Variants in GFUS observed in about 807,000 individuals in gnomAD.
GFUS encodes 3-5 epimerase/4-reductase.
Under a neutral mutation model 41.5 loss-of-function variants are expected in GFUS, and 42 were observed. That is an observed-to-expected ratio of 1.01 (90% CI 0.79 to 1.31). The LOEUF (loss-of-function observed/expected upper bound fraction) is 1.31. Among genes scored for constraint, GFUS ranks in the 50% most tolerant of loss-of-function variants. GFUS has a pLI of 0.00. For missense variants in GFUS, 437 were observed against 428.7 expected (o/e 1.02, Z -0.17); for synonymous variants, 188 against 173.4 (o/e 1.08, Z -0.66).
chr8:143,616,107 C>T lies in GFUS; in HGVS notation c.260G>A (p.Trp87Ter). The T allele has an allele frequency of 1.3e-6, 2 of 1,580,514 alleles. No individual in the cohort carries two copies. Among genetic ancestry groups the T allele is most frequent in the Non-Finnish European group, 1.7e-6 (2 of 1,157,874 alleles). Residue 87 changes from tryptophan to a stop codon, truncating the protein, a stop_gained and splice_region_variant, in exon 3 of 11, where the codon TGG (tryptophan) becomes TAG (stop). Transcript: ENST00000425753. LOFTEE classifies it high-confidence loss of function. Reference sequence around the variant, plus strand: ...CTTGCTGGGGCCACCCTCACTTACCCAGAAGTCCAAATTGTATTTGATATT... The same window carrying T: ...CTTGCTGGGGCCACCCTCACTTACCTAGAAGTCCAAATTGTATTTGATATT... The part of the protein sequence containing the change: ...FRNIKYNLDF[W>*]RKNVHMNDNV...
chr8:143,613,461 G>C (rs953611849), intron 9 of GFUS, 63 bp downstream of exon 9: 8 of 1,570,256 alleles, frequency 5.1e-6, no homozygotes, highest in Non-Finnish European at 4.3e-6. Flanking sequence ...CCCTACACCG[G>C]GTGGCCACTG....
At chr8:143,616,419 A>G (rs761930548) in intron 2 of GFUS, 148 bp downstream of exon 2, 2 of 1,316,036 alleles carry the variant, frequency 1.5e-6, no homozygotes, top group Non-Finnish European at 2.2e-6. Context: ...ACAGCCAAGC[A>G]CACCCAGGCC....
At chr8:143,614,525 ACTGAGGCTGGCACGAAGACCCGAC>A (rs1829670912) in intron 5 of GFUS, 72 bp from the exon 6 acceptor site, 4 of 1,566,372 alleles carry the variant, frequency 2.6e-6, no homozygotes, top group Non-Finnish European at 3.5e-6. Flanking sequence ...CTGGCCTCTT[ACTGAGGCTGGCACGAAGACCCGAC>A]CAGCCGGCCC....
Position 143,612,881 on chromosome 8 carries a change from C to T in GFUS, c.*29G>A. ...CCGCTGGGCTCTGCCAGCCGATGGT[C>T]CGCTGGCACCTGATCCTGTCTTCCA... On this transcript the variant is annotated 3_prime_UTR_variant, in exon 11 of 11. Coordinates refer to ENST00000425753, the MANE Select transcript of GFUS (RefSeq NM_003313.4). 8 of 1,594,162 alleles carry T rather than the reference C, an allele frequency of 5.0e-6. No individual in the cohort carries two copies. Among genetic ancestry groups the T allele is most frequent in the Non-Finnish European group, 6.8e-6 (8 of 1,171,996 alleles).
At chr8:143,614,981 C>A (rs1829689163) in intron 3 of GFUS, 66 bp from the exon 4 acceptor site, 2 of 1,541,062 alleles carry the variant, frequency 1.3e-6, no homozygotes, top group Non-Finnish European at 1.8e-6. Context: ...CCTGCTCCTC[C>A]AGACGCAGAA....
At chr8:143,617,051 T>G in intron 1 of GFUS, 1 of 341,846 alleles carries the variant, frequency 2.9e-6, no homozygotes, top group Non-Finnish European at 5.5e-6. Flanking sequence ...GGACGGGGGC[T>G]CCTGGCACAG....
intron 9 of GFUS, 64 bp from the exon 10 acceptor site, chr8:143,613,359 T>C: frequency 6.4e-7 from 1 of 1,552,780 alleles, no homozygotes; most frequent in African/African-American, 1.4e-5. Flanking sequence ...CAGCTTGCCC[T>C]TGAACCTCTG....
At chr8:143,616,364 C>T (rs534428028) in intron 2 of GFUS, 144 bp from the exon 3 acceptor site, 3 of 1,140,978 alleles carry the variant, frequency 2.6e-6, no homozygotes, top group Non-Finnish European at 4.0e-6. Flanking sequence ...TATGAGGGTG[C>T]AGGCTTCCAG....
chr8:143,612,939 TGAAC>T lies in GFUS; in HGVS notation c.933_936del (p.Trp311Ter). On this transcript the variant is annotated frameshift_variant, in exon 11 of 11. Transcript: ENST00000425753. LOFTEE classifies it high-confidence loss of function. ...TTCCGGGCCTGCTCGTAGTTGTCAG[TGAAC>T]CAAGCACAGGTCTCCTTCACCGCTG... 1 of 1,610,752 alleles carries T rather than the reference TGAAC, an allele frequency of 6.2e-7. No individual in the cohort carries two copies. The highest frequency in any genetic ancestry group is 8.5e-7 in the Non-Finnish European group (1 of 1,178,938).
Sources: allele counts gnomAD v4.1 joint callset, GRCh38; gene constraint gnomAD v4.1.1; transcripts MANE v1.5; gene names NCBI Gene and HGNC (gene_info 2026-07-23, HGNC 2026-07-21).